The following GRIA2 variants were observed in gnomAD, a reference collection of about 807,000 sequenced individuals.
The protein encoded by GRIA2 is glutamate receptor 2.
Under a neutral mutation model 97.3 loss-of-function variants are expected in GRIA2, and 14 were observed. The observed-to-expected ratio is 0.14, with a 90% CI of 0.10 to 0.23. The LOEUF is 0.23. Ranked by LOEUF, GRIA2 falls within the 10% of genes least tolerant of loss-of-function variation. The pLI is 1.00. For synonymous variants in GRIA2, 412 were observed against 387.8 expected (o/e 1.06, Z -0.73); for missense variants, 558 against 1,069.8 (o/e 0.52, Z 6.67).
rs1156934819 is a variant in GRIA2 at position 157,364,514 on chromosome 4, A to G, written c.*1083A>G. 1 of 152,060 alleles carries G rather than the reference A, an allele frequency of 6.6e-6. No homozygotes were observed. Among genetic ancestry groups the G allele is most frequent in the East Asian group, 1.9e-4 (1 of 5,176 alleles). 9.4% of individuals were successfully genotyped at this position (152,060 alleles called of 1,614,324 possible). ...ATATTTGTTAACACAAAAGCATTTGATCTATGTAGATAAATGCTAATAGAT... is the reference window on the plus strand; with the variant it reads ...ATATTTGTTAACACAAAAGCATTTGGTCTATGTAGATAAATGCTAATAGAT... On this transcript the variant is annotated 3_prime_UTR_variant, in exon 16 of 16. Transcript: ENST00000264426.
intron 3 of GRIA2, among the ~76,000 whole-genome samples, chr4:157,307,828 C>A (rs533571207): frequency 3.9e-5 from 6 of 152,230 alleles, no homozygotes; most frequent in African/African-American, 1.2e-4. Flanking sequence ...AGGCACTTTG[C>A]CTGCAGTTCC....
chr4:157,316,546 T>G (rs1734328542), intron 4 of GRIA2, among the ~76,000 whole-genome samples: 1 of 151,932 alleles, frequency 6.6e-6, no homozygotes, highest in Middle Eastern at 3.4e-3. Flanking sequence ...GCAAAGGATA[T>G]AGTGGTGGAG....
chr4:157,274,938 G>A (rs951780451), intron 2 of GRIA2, among the ~76,000 whole-genome samples: 4 of 149,676 alleles, frequency 2.7e-5, no homozygotes, highest in African/African-American at 7.3e-5. Flanking sequence ...CTGAGGAATG[G>A]CCACATCGAC....
intron 4 of GRIA2, among the ~76,000 whole-genome samples, chr4:157,315,173 C>A (rs1365953098): frequency 6.6e-6 from 1 of 152,008 alleles, no homozygotes; most frequent in African/African-American, 2.4e-5. Flanking sequence ...TCCAAGGAAG[C>A]AATGTTAAAC....
At chr4:157,299,304 T>C (rs1733508014) in intron 2 of GRIA2, among the ~76,000 whole-genome samples, 1 of 152,024 alleles carries the variant, frequency 6.6e-6, no homozygotes, top group Admixed American at 6.6e-5. Context: ...TGTCACAAGT[T>C]TAGGAGAGAA....
intron 2 of GRIA2, among the ~76,000 whole-genome samples, chr4:157,253,383 C>T (rs559305398): frequency 1.3e-5 from 2 of 152,202 alleles, no homozygotes; most frequent in East Asian, 3.9e-4. Context: ...TCCCGAAGTG[C>T]TGGGATTACA....
rs368148849 is a variant in GRIA2, at chr4:157,220,880, A to C, written c.-163A>C. ...CAGCAGCCACCAGCAGGACCTGGGA[A>C]ATAGGGATTCTTCTGCCTCCACTTC... On this transcript the variant is annotated 5_prime_UTR_variant, in exon 1 of 16. Coordinates refer to ENST00000264426, the MANE Select transcript of GRIA2 (RefSeq NM_001083619.3). The C allele has an allele frequency of 8.2e-5, 50 of 610,852 alleles. No homozygotes were observed. The highest frequency in any genetic ancestry group is 1.2e-4 in the Non-Finnish European group (42 of 340,560). 37.8% of individuals were successfully genotyped at this position (610,852 alleles called of 1,614,324 possible).
intron 12 of GRIA2, among the ~76,000 whole-genome samples, chr4:157,355,943 A>ATATATTTT (rs1560781206): frequency 3.4e-4 from 2 of 5,810 alleles, no homozygotes; most frequent in Non-Finnish European, 7.9e-4. Flanking sequence ...TTATATATTA[A>ATATATTTT]TATATATTTA....
At chr4:157,358,385 C>G (rs1470339313) in intron 12 of GRIA2, among the ~76,000 whole-genome samples, 1 of 152,118 alleles carries the variant, frequency 6.6e-6, no homozygotes, top group Non-Finnish European at 1.5e-5. Context: ...AAAATTTTCA[C>G]TCTCATAGAT....
intron 2 of GRIA2, among the ~76,000 whole-genome samples, chr4:157,295,428 G>C (rs1411983632): frequency 6.6e-6 from 1 of 152,050 alleles, no homozygotes; most frequent in African/African-American, 2.4e-5. Context: ...AAATGTCATT[G>C]GGGTGTATGT....
At chr4:157,262,985 A>G (rs1731614679) in intron 2 of GRIA2, among the ~76,000 whole-genome samples, 1 of 152,144 alleles carries the variant, frequency 6.6e-6, no homozygotes, top group African/African-American at 2.4e-5. Flanking sequence ...CACAGTGTGT[A>G]AACTGTTAAT....
chr4:157,248,006 G>T (rs1730807350), intron 2 of GRIA2, among the ~76,000 whole-genome samples: 1 of 151,872 alleles, frequency 6.6e-6, no homozygotes, highest in African/African-American at 2.4e-5. Flanking sequence ...ACTCTGCCTA[G>T]GTTGTAGAGT....
intron 3 of GRIA2, among the ~76,000 whole-genome samples, chr4:157,307,986 A>G (rs1437540160): frequency 6.6e-6 from 1 of 152,266 alleles, no homozygotes; most frequent in Admixed American, 6.5e-5. Flanking sequence ...ATTAATTTAT[A>G]TGCTTGAAAG....
At position 157,362,847 on chromosome 4, in the gene GRIA2, A is replaced by C; in HGVS notation, c.2455A>C (p.Ile819Leu). 6.2e-7 allele frequency: 1 copy of C among 1,613,432 alleles called. No individual in the cohort carries two copies. ...SLSNVAGVFYILVGGLGLAML... is the reference protein window; with the variant it reads ...SLSNVAGVFYLLVGGLGLAML... ...GAGCAACGTTGCTGGAGTATTCTAC[A>C]TCCTTGTCGGGGGCCTTGGTTTGGC... The change falls in exon 15 of 16, where the codon ATC (isoleucine) becomes CTC (leucine). Residue 819 changes from isoleucine to leucine, a missense_variant. By Grantham distance (5) the Ile-to-Leu change is conservative (BLOSUM62 2). Coordinates refer to ENST00000264426, the MANE Select transcript of GRIA2 (RefSeq NM_001083619.3).
chr4:157,292,740 C>T (rs1449484589), intron 2 of GRIA2, among the ~76,000 whole-genome samples: 3 of 152,008 alleles, frequency 2.0e-5, no homozygotes, highest in Non-Finnish European at 4.4e-5. Context: ...GATGGGAATC[C>T]AATTTTCCTG....
chr4:157,267,438 G>A (rs930812540), intron 2 of GRIA2, among the ~76,000 whole-genome samples: 5 of 149,686 alleles, frequency 3.3e-5, no homozygotes, highest in African/African-American at 1.2e-4. Context: ...AATCTTTAAT[G>A]TGGGAGGGAT....
chr4:157,267,391 CAAAA>C (rs772189197), intron 2 of GRIA2, among the ~76,000 whole-genome samples: 2 of 51,794 alleles, frequency 3.9e-5, no homozygotes, highest in South Asian at 7.7e-4. Flanking sequence ...GACTCCATCT[CAAAA>C]AAAAAAAAAA....
intron 2 of GRIA2, among the ~76,000 whole-genome samples, chr4:157,230,575 C>T (rs111268148): frequency 0.034 from 778 of 22,942 alleles, 9 homozygotes; most frequent in South Asian, 0.067. Context: ...TCCTTCCTTC[C>T]TTCTTTCCTT....
At chr4:157,268,159 G>A (rs1422000210) in intron 2 of GRIA2, among the ~76,000 whole-genome samples, 5 of 151,996 alleles carry the variant, frequency 3.3e-5, no homozygotes, top group Non-Finnish European at 7.4e-5. Context: ...GTCTTTAATA[G>A]TATTTGAGTT....
Sources: gnomAD v4.1 joint callset for allele counts (sites outside exome capture counted in the v4.1 genomes callset) on GRCh38, gnomAD v4.1.1 for gene constraint, MANE v1.5 for transcripts, NCBI Gene and HGNC (gene_info 2026-07-23, HGNC 2026-07-21) for gene names.